EXTL1: variants seen among roughly 807,000 people sequenced by gnomAD.
EXTL1 encodes exostosin-like 1.
In EXTL1, 43 loss-of-function variants were observed where a neutral mutation model predicts 64.6. The observed-to-expected ratio is 0.67, with a 90% CI of 0.52 to 0.86. The LOEUF is 0.86. Among genes scored for constraint, EXTL1 ranks in the 40% least tolerant of loss-of-function variants. The pLI, the probability that EXTL1 is intolerant of heterozygous loss-of-function variation, is 0.00. For missense variants in EXTL1, 766 were observed against 879.0 expected, an observed-to-expected ratio of 0.87 and a Z score of 1.62; for synonymous variants, 352 against 360.5, an observed-to-expected ratio of 0.98 and a Z score of 0.27.
At position 26,034,896 on chromosome 1, in the gene EXTL1, G is replaced by A. The variant is rs139669183; in HGVS notation, c.1740G>A (p.Glu580=). 4 of 1,614,206 alleles carry A rather than the reference G, an allele frequency of 2.5e-6. No individual in the cohort carries two copies. Among genetic ancestry groups the A allele is most frequent in the Non-Finnish European group, 3.4e-6 (4 of 1,180,024 alleles). The change falls in exon 10 of 11, where the codon GAG becomes GAA. Residue 580 remains glutamate, a synonymous_variant. Transcript: ENST00000374280. This position sits in a 1 kb window ranked among gnomAD's most constrained non-coding sequence, Gnocchi z 4.6. ...LPKALRTLAD[E]APTCVDVLMN... The stretch of plus-strand genomic sequence containing the variant: ...AGGCTCTGAGGACCCTGGCAGATGA[G>A]GCACCCACCTGTGTGGACGTCCTGA...
At chr1:26,030,330 CTTT>C (rs1213800896) in intron 3 of EXTL1, 143 bp from the exon 4 acceptor site, 6,834 of 376,530 alleles carry the variant, frequency 0.018, no homozygotes, top group Middle Eastern at 0.025. Flanking sequence ...CTGAATGCTT[CTTT>C]TTTTTTTTTT....
rs1053867394 is a variant in EXTL1 at position 26,036,396 on chromosome 1, C to T, written c.*1049C>T. On this transcript the variant is annotated 3_prime_UTR_variant, in exon 11 of 11. Coordinates refer to ENST00000374280, the MANE Select transcript of EXTL1 (RefSeq NM_004455.3). The surrounding 1 kb of genome is among the most constrained non-coding windows in gnomAD (Gnocchi z 5.2). ...CACTAGGTCCTCCGGGGTTCACCCA[C>T]CTGGAGCTGGAATTATCACTTCCGA... 1.3e-5 allele frequency: 2 copies of T among 152,214 alleles called. No individual in the cohort carries two copies. Among genetic ancestry groups the T allele is most frequent in the African/African-American group, 4.8e-5 (2 of 41,424 alleles). 9.4% of individuals were successfully genotyped at this position (152,214 alleles called of 1,614,324 possible). A position where few individuals can be genotyped will look rare whatever the true frequency, so the allele number is the denominator to read the frequency against.
At chr1:26,029,118 C>T in intron 1 of EXTL1, 75 bp from the exon 2 acceptor site, 1 of 1,089,510 alleles carries the variant, frequency 9.2e-7, no homozygotes, top group Non-Finnish European at 1.4e-6. Flanking sequence ...GGGGTTCTCC[C>T]ATTGAGGGAG....
Position 26,035,168 on chromosome 1 carries a change from C to T in EXTL1, c.1852C>T (p.Pro618Ser), listed in dbSNP as rs775559448. 2.7e-5 allele frequency: 44 copies of T among 1,601,364 alleles called. 1 individual carries two copies. In the South Asian group the frequency reaches 3.9e-4, roughly 14 times the overall value. Reference sequence around the variant, plus strand: ...GCATTGCTTCTTTCCCTCTTAGGCGCCTGGGGGCCCGGGGCCCAGGCCAAA... The same window carrying T: ...GCATTGCTTCTTTCCCTCTTAGGCGTCTGGGGGCCCGGGGCCCAGGCCAAA... ...KQRQEAAPLA[P>S]GGPGPRPKPP... The change falls in exon 11 of 11, where the codon CCT becomes TCT. Residue 618 changes from proline (P) to serine (S), a missense_variant. Pro to Ser is a moderately conservative substitution (Grantham distance 74). This residue lies in a region of EXTL1 where 194 missense variants were observed against 214.5 expected (regional missense o/e 0.90). Transcript: ENST00000374280. This position sits in a 1 kb window ranked among gnomAD's most constrained non-coding sequence, Gnocchi z 5.3.
In EXTL1 at chr1:26,025,182, G is replaced by A. The variant is rs1299817226; in HGVS notation, c.779+1757G>A. ...AAGTGCCGGGCAGCTGCCTGGGCCA[G>A]ACAGCCTAGGGACAGAGTGAGAGAG... On this transcript the variant is annotated intron_variant, in intron 1 of 10. Transcript: ENST00000374280. The surrounding 1 kb of genome is among the most constrained non-coding windows in gnomAD (Gnocchi z 5.3). Among the ~76,000 whole-genome samples, 1 of 152,188 alleles carries A rather than the reference G, an allele frequency of 6.6e-6. No homozygotes were observed. Among genetic ancestry groups the A allele is most frequent in the Non-Finnish European group, 1.5e-5 (1 of 68,028 alleles).
intron 1 of EXTL1, among the ~76,000 whole-genome samples, chr1:26,027,338 T>G (rs1421826978): frequency 1.3e-5 from 2 of 152,150 alleles, no homozygotes; most frequent in African/African-American, 4.8e-5. Context: ...ATAATAACAG[T>G]GCATACCTCC....
At position 26,030,369 on chromosome 1, in the gene EXTL1, G is replaced by A. The variant is rs1468658543; in HGVS notation, c.982-107G>A. Reference sequence around the variant, plus strand: ...TTTTTTTGAGATAGGATCTTGCTCTGTTGCTCAGGCTGGAGTGCAGTGGCA... The same window carrying A: ...TTTTTTTGAGATAGGATCTTGCTCTATTGCTCAGGCTGGAGTGCAGTGGCA... On this transcript the variant is annotated intron_variant, in intron 3 of 10. Transcript: ENST00000374280. The A allele has an allele frequency of 5.7e-6, 3 of 526,762 alleles. No homozygotes were observed. The African/African-American group carries it at 6.9e-5, about 12-fold the overall frequency. 32.6% of individuals were successfully genotyped at this position (526,762 alleles called of 1,614,324 possible). A position where few individuals can be genotyped will look rare whatever the true frequency, so the allele number is the denominator to read the frequency against.
chr1:26,033,838 C>T lies in EXTL1; in HGVS notation c.1661C>T (p.Thr554Ile). 1 of 1,613,852 alleles carries T rather than the reference C, an allele frequency of 6.2e-7. No homozygotes were observed. The highest frequency in any genetic ancestry group is 8.5e-7 in the Non-Finnish European group (1 of 1,179,864). The change falls in exon 9 of 11, where the codon ACA (threonine) becomes ATA (isoleucine). Residue 554 changes from threonine to isoleucine, a missense_variant. Physicochemically the swap from Thr to Ile is moderately conservative, Grantham distance 89 (BLOSUM62 -1). Around this residue, in one of 3 missense-constraint regions of EXTL1, gnomAD observed 194 missense variants for 214.5 expected, o/e 0.90. Transcript: ENST00000374280. This position sits in a 1 kb window ranked among gnomAD's most constrained non-coding sequence, Gnocchi z 5.1. ...AACGAATTCTCCATGGTTCTCACCACAGCCGCCTTCTACCATAGGTACAGA... is the reference window on the plus strand; with the variant it reads ...AACGAATTCTCCATGGTTCTCACCATAGCCGCCTTCTACCATAGGTACAGA... ...RTNEFSMVLT[T>I]AAFYHRYYHT...
At chr1:26,028,524 A>C (rs1430193143) in intron 1 of EXTL1, among the ~76,000 whole-genome samples, 1 of 152,174 alleles carries the variant, frequency 6.6e-6, no homozygotes, top group Non-Finnish European at 1.5e-5. Context: ...CTGGGTGGAC[A>C]ATTGCCAGGC....
At position 26,035,005 on chromosome 1, in the gene EXTL1, G is replaced by T. The variant is rs1355366499; in HGVS notation, c.1848+1G>T. The T allele has an allele frequency of 3.1e-6, 5 of 1,614,158 alleles. No homozygotes were observed. In the East Asian group the frequency reaches 8.9e-5, roughly 29 times the overall value. On this transcript the variant is annotated splice_donor_variant, in intron 10 of 10. Coordinates refer to ENST00000374280, the MANE Select transcript of EXTL1 (RefSeq NM_004455.3). LOFTEE classifies it high-confidence loss of function. This position sits in a 1 kb window ranked among gnomAD's most constrained non-coding sequence, Gnocchi z 5.3. ...GCAGCGCCAGGAGGCTGCTCCACTG[G>T]TGAGGGCTGAGGGGGATTGGTCGGA... is the stretch of plus-strand genomic sequence containing the variant.
In EXTL1 at chr1:26,023,238, C is replaced by T. The variant is rs1161168492; in HGVS notation, c.592C>T (p.Leu198Phe). 4.4e-6 allele frequency: 7 copies of T among 1,602,918 alleles called. No individual in the cohort carries two copies. The highest frequency in any genetic ancestry group is 2.7e-5 in the African/African-American group (2 of 74,840). ...DSFRPGFDVA[L>F]PFLPEAHPLR... ...CTTCCGGCCCGGCTTTGATGTGGCC[C>T]TCCCTTTTCTCCCTGAAGCCCACCC... Residue 198 changes from leucine to phenylalanine, a missense_variant, in exon 1 of 11, where the codon CTC becomes TTC. Leu to Phe is a conservative substitution (Grantham distance 22). Coordinates refer to ENST00000374280, the MANE Select transcript of EXTL1 (RefSeq NM_004455.3).
intron 6 of EXTL1, 130 bp from the exon 7 acceptor site, chr1:26,032,266 C>G (rs964725418): frequency 7.8e-6 from 5 of 643,192 alleles, no homozygotes; most frequent in Non-Finnish European, 1.4e-5. Context: ...CCAACTAACC[C>G]TTCTCCCATG....
In EXTL1 at chr1:26,033,098, C is replaced by A; in HGVS notation, c.1432-131C>A. 1 of 681,400 alleles carries A rather than the reference C, an allele frequency of 1.5e-6. No individual in the cohort carries two copies. 42.2% of individuals were successfully genotyped at this position (681,400 alleles called of 1,614,324 possible). ...CTTGCCATATTTGAGGCCCAGGCGT[C>A]TACACTGTGCCTGAAGGGAGGCTTT... On this transcript the variant is annotated intron_variant, in intron 7 of 10. Transcript: ENST00000374280. The surrounding 1 kb of genome is among the most constrained non-coding windows in gnomAD (Gnocchi z 5.1).
In EXTL1 at chr1:26,036,186, G is replaced by A. The variant is rs2050339239; in HGVS notation, c.*839G>A. The A allele has an allele frequency of 6.5e-6, 1 of 152,800 alleles. No individual in the cohort carries two copies. Among genetic ancestry groups the A allele is most frequent in the South Asian group, 2.1e-4 (1 of 4,832 alleles). 9.5% of individuals were successfully genotyped at this position (152,800 alleles called of 1,614,324 possible). On this transcript the variant is annotated 3_prime_UTR_variant, in exon 11 of 11. Coordinates refer to ENST00000374280, the MANE Select transcript of EXTL1 (RefSeq NM_004455.3). The surrounding 1 kb of genome is among the most constrained non-coding windows in gnomAD (Gnocchi z 5.2). ...CACCCGCATGTCCAGAGGGCGGCCG[G>A]GATGTGGAGGGTGAGCGCTGTGGGC...
rs753667913 is a variant in EXTL1 at position 26,034,871 on chromosome 1, A to G, written c.1715A>G (p.Lys572Arg). The change falls in exon 10 of 11, where the codon AAG becomes AGG. Residue 572 changes from lysine to arginine, a missense_variant. Around this residue, in one of 3 missense-constraint regions of EXTL1, gnomAD observed 194 missense variants for 214.5 expected, o/e 0.90. Coordinates refer to ENST00000374280, the MANE Select transcript of EXTL1 (RefSeq NM_004455.3). This position sits in a 1 kb window ranked among gnomAD's most constrained non-coding sequence, Gnocchi z 4.6. ...YHTLFTHSLP[K>R]ALRTLADEAP... Reference sequence around the variant, plus strand: ...ACTCTCTTCACCCACTCCCTGCCCAAGGCTCTGAGGACCCTGGCAGATGAG... The same window carrying G: ...ACTCTCTTCACCCACTCCCTGCCCAGGGCTCTGAGGACCCTGGCAGATGAG... The G allele has an allele frequency of 1.2e-6, 2 of 1,614,180 alleles. No homozygotes were observed.
Position 26,031,189 on chromosome 1 carries a change from C to A in EXTL1, c.1159C>A (p.Pro387Thr), listed in dbSNP as rs1222567515. 2 of 1,613,760 alleles carry A rather than the reference C, an allele frequency of 1.2e-6. No individual in the cohort carries two copies. Among genetic ancestry groups the A allele is most frequent in the Non-Finnish European group, 1.7e-6 (2 of 1,179,858 alleles). Reference protein sequence around the residue: ...SAHPSLLWNSPPGALLALSTF... With the variant: ...SAHPSLLWNSTPGALLALSTF... ...TCACCCCTCACTGCTGTGGAACAGC[C>A]CCCCAGGGGCACTCCTGGCCCTGTC... The change falls in exon 5 of 11, where the codon CCC (proline) becomes ACC (threonine). Residue 387 changes from proline to threonine, a missense_variant. Pro to Thr is a conservative substitution (Grantham distance 38). This residue lies in a region of EXTL1 where 571 missense variants were observed against 647.6 expected (regional missense o/e 0.88). Coordinates refer to ENST00000374280, the MANE Select transcript of EXTL1 (RefSeq NM_004455.3).
intron 3 of EXTL1, 31 bp downstream of exon 3, chr1:26,029,738 A>G: frequency 6.8e-7 from 1 of 1,461,784 alleles, no homozygotes. Flanking sequence ...CAGGGTGGGA[A>G]CTGGACCCAG....
intron 1 of EXTL1, among the ~76,000 whole-genome samples, chr1:26,027,694 A>AAAAAAAAAAAAAAAAAAAAAAAAAAG (rs1557551579): frequency 7.2e-6 from 1 of 139,552 alleles, no homozygotes. Flanking sequence ...ATCTCTAAAA[A>AAAAAAAAAAAAAAAAAAAAAAAAAAG]AAAAAAAAAA....
At position 26,025,385 on chromosome 1, in the gene EXTL1, T is replaced by G. The variant is rs2050203678; in HGVS notation, c.779+1960T>G. ...ACTTAAGTCACTGCTGATCCTGTCATGCACCCTTCAAGGGAGGTATTATTA... is the reference window on the plus strand; with the variant it reads ...ACTTAAGTCACTGCTGATCCTGTCAGGCACCCTTCAAGGGAGGTATTATTA... On this transcript the variant is annotated intron_variant, in intron 1 of 10. Coordinates refer to ENST00000374280, the MANE Select transcript of EXTL1 (RefSeq NM_004455.3). The surrounding 1 kb of genome is among the most constrained non-coding windows in gnomAD (Gnocchi z 5.3). 6.6e-6 allele frequency among the ~76,000 whole-genome samples: 1 copy of G among 152,202 alleles called. No homozygotes were observed. Among genetic ancestry groups the G allele is most frequent in the South Asian group, 2.1e-4 (1 of 4,830 alleles).
Sources: allele counts gnomAD v4.1 joint callset (sites outside exome capture counted in the v4.1 genomes callset), GRCh38; gene constraint gnomAD v4.1.1; regional missense constraint gnomAD v4.1.1; non-coding constraint Gnocchi (gnomAD v3.1); transcripts MANE v1.5; gene names NCBI Gene and HGNC (gene_info 2026-07-23, HGNC 2026-07-21).